TMEM38B: variants seen among roughly 807,000 people sequenced by gnomAD.
TMEM38B encodes transmembrane protein 38B.
TMEM38B carries 24 observed loss-of-function variants against 28.7 expected under a neutral mutation model. That is an observed-to-expected ratio of 0.84 (90% confidence interval 0.61 to 1.18). TMEM38B has a LOEUF of 1.18. TMEM38B is among the 50% of genes most tolerant of loss of function. TMEM38B has a pLI of 0.00. For synonymous variants in TMEM38B, 131 were observed against 127.7 expected (o/e 1.03, Z -0.17); for missense variants, 380 against 350.9 (o/e 1.08, Z -0.66).
intron 5 of TMEM38B, among the ~76,000 whole-genome samples, chr9:105,753,823 C>T (rs1178591313): frequency 6.6e-6 from 1 of 152,136 alleles, no homozygotes; most frequent in Non-Finnish European, 1.5e-5. Context: ...CAATACTAAC[C>T]TTAAATATAA....
rs1331603311 is a variant in TMEM38B, at chr9:105,748,220, C to T, written c.660+30C>T. 1.3e-5 allele frequency: 19 copies of T among 1,496,422 alleles called. No individual in the cohort carries two copies. In the East Asian group the frequency reaches 3.6e-4, roughly 29 times the overall value. 92.7% of individuals were successfully genotyped at this position (1,496,422 alleles called of 1,614,324 possible). A position where few individuals can be genotyped will look rare whatever the true frequency, so the allele number is the denominator to read the frequency against. ...GAATTCAAAGTACCTATAATTATTA[C>T]AAATCCTGTATAACTATTCCCCTTT... is the stretch of plus-strand genomic sequence containing the variant. On this transcript the variant is annotated intron_variant, in intron 5 of 5. Coordinates refer to ENST00000374692, the MANE Select transcript of TMEM38B (RefSeq NM_018112.3).
At chr9:105,738,978 T>A (rs549444942) in intron 4 of TMEM38B, among the ~76,000 whole-genome samples, 1 of 152,254 alleles carries the variant, frequency 6.6e-6, no homozygotes, top group African/African-American at 2.4e-5. Context: ...CTGCCTAGTC[T>A]CCCAAAGTGC....
chr9:105,716,664 C>T (rs1187163776), intron 2 of TMEM38B, among the ~76,000 whole-genome samples: 1 of 152,134 alleles, frequency 6.6e-6, no homozygotes, highest in Non-Finnish European at 1.5e-5. Context: ...TTTTCTTCTG[C>T]CTCTGCCACC....
chr9:105,720,646 T>G (rs1200089814), intron 2 of TMEM38B, among the ~76,000 whole-genome samples: 2 of 152,148 alleles, frequency 1.3e-5, no homozygotes, highest in African/African-American at 4.8e-5. Flanking sequence ...ATTCTGACTT[T>G]ATAAATCGTG....
intron 1 of TMEM38B, among the ~76,000 whole-genome samples, chr9:105,703,496 C>A (rs1157786054): frequency 6.6e-6 from 1 of 152,162 alleles, no homozygotes; most frequent in Non-Finnish European, 1.5e-5. Context: ...TGAATAATGC[C>A]GCAATAAACA....
chr9:105,737,616 A>T (rs1837035570), intron 4 of TMEM38B, among the ~76,000 whole-genome samples: 1 of 152,222 alleles, frequency 6.6e-6, no homozygotes, highest in East Asian at 1.9e-4. Flanking sequence ...AGTTCTGTGG[A>T]AGTAGGGTGT....
At chr9:105,703,509 C>T (rs1260431448) in intron 1 of TMEM38B, among the ~76,000 whole-genome samples, 5 of 152,148 alleles carry the variant, frequency 3.3e-5, no homozygotes, top group Admixed American at 1.3e-4. Flanking sequence ...AATAAACATA[C>T]GTGTGCATGT....
intron 5 of TMEM38B, among the ~76,000 whole-genome samples, chr9:105,748,707 C>G (rs987864294): frequency 1.3e-5 from 2 of 152,134 alleles, no homozygotes; most frequent in African/African-American, 4.8e-5. Context: ...AGGCAAGCCA[C>G]TTAATGTCTC....
chr9:105,737,079 C>T (rs1837012477), intron 4 of TMEM38B, among the ~76,000 whole-genome samples: 1 of 152,236 alleles, frequency 6.6e-6, no homozygotes, highest in African/African-American at 2.4e-5. Context: ...CAGTGCTGGG[C>T]TGCAGGGTGC....
At chr9:105,750,591 G>C (rs916598328) in intron 5 of TMEM38B, among the ~76,000 whole-genome samples, 1 of 152,088 alleles carries the variant, frequency 6.6e-6, no homozygotes, top group Middle Eastern at 3.4e-3. Context: ...TCAAGCCTGG[G>C]CAACAGAGAA....
intron 4 of TMEM38B, among the ~76,000 whole-genome samples, chr9:105,724,079 A>C (rs1317352031): frequency 8.1e-6 from 1 of 122,834 alleles, no homozygotes; most frequent in Non-Finnish European, 1.8e-5. Flanking sequence ...CAGGTGATCC[A>C]CCCACCTTGG....
chr9:105,723,416 T>G (rs1005856991), intron 4 of TMEM38B, among the ~76,000 whole-genome samples: 1 of 151,986 alleles, frequency 6.6e-6, no homozygotes. Context: ...GTATTTTTTT[T>G]TTTTTTTTGA....
intron 2 of TMEM38B, among the ~76,000 whole-genome samples, chr9:105,712,685 C>A (rs1471978448): frequency 3.3e-5 from 5 of 152,218 alleles, no homozygotes; most frequent in Admixed American, 6.5e-5. Flanking sequence ...CTAGTTTTAT[C>A]TTTTCTTCTT....
chr9:105,751,943 G>C (rs577649918), intron 5 of TMEM38B, among the ~76,000 whole-genome samples: 53 of 152,292 alleles, frequency 3.5e-4, no homozygotes, highest in East Asian at 2.9e-3. Context: ...TAGCTCTCAG[G>C]GGGAGGAGTG....
intron 4 of TMEM38B, among the ~76,000 whole-genome samples, chr9:105,731,075 A>G (rs1033774413): frequency 6.6e-6 from 1 of 151,632 alleles, no homozygotes; most frequent in African/African-American, 2.4e-5. Context: ...TCAGTTCTGC[A>G]TTGATCTTAG....
Position 105,760,002 on chromosome 9 carries a change from A to G in TMEM38B, c.660+11812A>G. ...GAGAGTCTAGTGCTGCAATCAATAAAAGACTCTGCAAAAGTTCAATAGAAT... is the reference window on the plus strand; with the variant it reads ...GAGAGTCTAGTGCTGCAATCAATAAGAGACTCTGCAAAAGTTCAATAGAAT... On this transcript the variant is annotated intron_variant, in intron 5 of 5. Transcript: ENST00000374692. 8 of 1,471,906 alleles carry G rather than the reference A, an allele frequency of 5.4e-6. 1 individual carries two copies. The South Asian group carries it at 9.5e-5, about 17-fold the overall frequency. The allele number at this position is 1,471,906 out of a possible 1,614,324, so 91.2% of individuals were successfully genotyped here.
At chr9:105,710,084 G>A (rs1835846458) in intron 2 of TMEM38B, among the ~76,000 whole-genome samples, 1 of 152,208 alleles carries the variant, frequency 6.6e-6, no homozygotes, top group Non-Finnish European at 1.5e-5. Flanking sequence ...AACTTGAGGG[G>A]ACTTCAATTA....
intron 5 of TMEM38B, among the ~76,000 whole-genome samples, chr9:105,773,061 G>A (rs1826608800): frequency 6.6e-6 from 1 of 152,094 alleles, no homozygotes; most frequent in Non-Finnish European, 1.5e-5. Flanking sequence ...GTCATTATCT[G>A]TGTTCTGGAG....
At chr9:105,771,157 C>T (rs1826530748) in intron 5 of TMEM38B, among the ~76,000 whole-genome samples, 1 of 152,146 alleles carries the variant, frequency 6.6e-6, no homozygotes, top group Non-Finnish European at 1.5e-5. Flanking sequence ...AAGTAAGAGA[C>T]TATGAAGCCA....
Sources: allele counts gnomAD v4.1 joint callset (sites outside exome capture counted in the v4.1 genomes callset), GRCh38; gene constraint gnomAD v4.1.1; transcripts MANE v1.5; gene names NCBI Gene and HGNC (gene_info 2026-07-23, HGNC 2026-07-21).